ASMTL: variants seen among roughly 807,000 people sequenced by gnomAD.
The protein encoded by ASMTL is probable bifunctional dTTP/UTP pyrophosphatase/methyltransferase protein.
Under a neutral mutation model 60.3 loss-of-function variants are expected in ASMTL, and 57 were observed. The ratio of observed to expected loss-of-function variants is 0.95; its 90% CI spans 0.76 to 1.18. The LOEUF (loss-of-function observed/expected upper bound fraction) is 1.18, where lower values mean the gene tolerates loss of function less well. Ranked by LOEUF, ASMTL falls within the 50% of genes most tolerant of loss-of-function variation. ASMTL has a pLI of 0.00. For synonymous variants in ASMTL, 419 were observed against 373.0 expected (o/e 1.12, Z -1.42); for missense variants, 981 against 852.6 (o/e 1.15, Z -1.88).
At chrX:1,435,922 A>G (rs1373134581) in intron 3 of ASMTL, 164 bp from the exon 4 acceptor site, 1 of 159,412 alleles carries the variant, frequency 6.3e-6, no homozygotes, top group African/African-American at 2.4e-5. Flanking sequence ...ATGTTGTACC[A>G]CCACTACCTG....
At chrX:1,434,576 G>A (rs1207289213) in intron 5 of ASMTL, among the ~76,000 whole-genome samples, 1 of 151,386 alleles carries the variant, frequency 6.6e-6, no homozygotes, top group African/African-American at 2.4e-5. Flanking sequence ...GGCTGAGGCG[G>A]GTGGATCACC....
rs373310215 is a variant in ASMTL, at chrX:1,435,677, G to A, written c.338+17C>T. 76 of 1,613,238 alleles carry A rather than the reference G, an allele frequency of 4.7e-5. No homozygotes were observed. In the African/African-American group the frequency reaches 8.7e-4, roughly 18 times the overall value. ...GCTCAGAACCCGAGAGGGCTCAGAG[G>A]CCAACATGGTGCTTACCGGGACAGC... On this transcript the variant is annotated intron_variant, in intron 4 of 12. Transcript: ENST00000381317.
At chrX:1,423,455 C>G (rs1291053272) in intron 8 of ASMTL, among the ~76,000 whole-genome samples, 1 of 152,054 alleles carries the variant, frequency 6.6e-6, no homozygotes, top group Non-Finnish European at 1.5e-5. Context: ...CCTTCCCAGG[C>G]TACTCAAGGA....
chrX:1,440,049 C>T (rs769330633), intron 2 of ASMTL, among the ~76,000 whole-genome samples: 2 of 151,528 alleles, frequency 1.3e-5, no homozygotes, highest in East Asian at 1.9e-4. Context: ...CTTGATAGCA[C>T]GACTCACAAC....
intron 1 of ASMTL, among the ~76,000 whole-genome samples, chrX:1,451,272 A>T (rs1316759018): frequency 1.3e-3 from 68 of 51,430 alleles, no homozygotes; most frequent in South Asian, 3.8e-3. Flanking sequence ...TACTCTCCCC[A>T]CCCCCATCCC....
At chrX:1,405,286 A>C (rs867112849) in intron 12 of ASMTL, among the ~76,000 whole-genome samples, 5 of 138,036 alleles carry the variant, frequency 3.6e-5, no homozygotes, top group African/African-American at 1.3e-4. Context: ...GTGGATGGAT[A>C]GATGGATGTG....
intron 6 of ASMTL, among the ~76,000 whole-genome samples, chrX:1,428,708 C>G (rs1370429763): frequency 7.7e-6 from 1 of 129,764 alleles, no homozygotes; most frequent in African/African-American, 2.8e-5. Context: ...CATATGTATA[C>G]ATGCGTCATC....
chrX:1,423,081 T>C (rs185337230), intron 8 of ASMTL, among the ~76,000 whole-genome samples: 3,043 of 152,074 alleles, frequency 0.02, 100 homozygotes, highest in African/African-American at 0.07. Context: ...GCCTCCCGAG[T>C]AGCTGGGACT....
chrX:1,411,806 C>CTTTTTTTTTTTTTTTTTTTTTTTTT (rs756437483), intron 12 of ASMTL, among the ~76,000 whole-genome samples: 2 of 86,144 alleles, frequency 2.3e-5, no homozygotes, highest in African/African-American at 4.9e-5. Context: ...TTAGGATTTT[C>CTTTTTTTTTTTTTTTTTTTTTTTTT]TTTTTTTTTT....
intron 12 of ASMTL, among the ~76,000 whole-genome samples, chrX:1,405,383 G>GACAA (rs2089781531): frequency 6.6e-6 from 1 of 150,886 alleles, no homozygotes; most frequent in Non-Finnish European, 1.5e-5. Context: ...TGGGTGAATA[G>GACAA]GTAGGTAGGT....
At chrX:1,408,213 G>C (rs866996641) in intron 12 of ASMTL, among the ~76,000 whole-genome samples, 3 of 60,950 alleles carry the variant, frequency 4.9e-5, no homozygotes, top group Admixed American at 2.2e-4. Context: ...GGCTGAGGCA[G>C]GAGGATCGCT....
intron 5 of ASMTL, among the ~76,000 whole-genome samples, chrX:1,433,012 CG>C (rs1256478652): frequency 1.3e-5 from 2 of 152,054 alleles, no homozygotes; most frequent in African/African-American, 2.4e-5. Context: ...GCAGGAGAAT[CG>C]CTTGAACCCG....
intron 8 of ASMTL, among the ~76,000 whole-genome samples, chrX:1,424,678 A>G (rs1408375557): frequency 4.7e-4 from 69 of 147,872 alleles, no homozygotes; most frequent in Non-Finnish European, 8.9e-4. Flanking sequence ...CCATCCATCC[A>G]TCTACCCACC....
At chrX:1,411,578 G>T (rs1320786037) in intron 12 of ASMTL, among the ~76,000 whole-genome samples, 2 of 117,842 alleles carry the variant, frequency 1.7e-5, no homozygotes, top group African/African-American at 6.8e-5. Flanking sequence ...TGCGTGCTGT[G>T]TGTGTGTGCA....
chrX:1,421,609 A>C (rs1375109794), intron 9 of ASMTL, 49 bp downstream of exon 9: 17 of 1,603,342 alleles, frequency 1.1e-5, no homozygotes, highest in Non-Finnish European at 1.3e-5. Context: ...AAAGTGTTTT[A>C]GCAAAATGCA....
In ASMTL at chrX:1,427,967, G is replaced by A. The variant is rs372242779; in HGVS notation, c.664C>T (p.Arg222Trp). ...YYPPRPEDLR[R>W]SVKHDSIPAA... ...GGGATGGAGTCGTGCTTGACACTCCGCCGCAGGTCCTCCGGACGGGGCGGG... is the reference window on the plus strand; with the variant it reads ...GGGATGGAGTCGTGCTTGACACTCCACCGCAGGTCCTCCGGACGGGGCGGG... The change falls in exon 7 of 13, where the codon CGG becomes TGG. Residue 222 changes from arginine to tryptophan, a missense_variant. Coordinates refer to ENST00000381317, the MANE Select transcript of ASMTL (RefSeq NM_004192.4). 17 of 1,613,384 alleles carry A rather than the reference G, an allele frequency of 1.1e-5. No individual in the cohort carries two copies. The highest frequency in any genetic ancestry group is 3.3e-5 in the Admixed American group (2 of 60,000).
At chrX:1,436,913 C>T (rs1388886775) in intron 3 of ASMTL, among the ~76,000 whole-genome samples, 2 of 152,240 alleles carry the variant, frequency 1.3e-5, no homozygotes, top group Admixed American at 1.3e-4. Flanking sequence ...AAACTACAGA[C>T]ATTGATTCTC....
intron 11 of ASMTL, 131 bp downstream of exon 11, chrX:1,417,842 A>G (rs1370993961): frequency 5.8e-6 from 7 of 1,204,896 alleles, no homozygotes; most frequent in Non-Finnish European, 8.0e-6. Context: ...AGACAGTCCC[A>G]TTTGCACACA....
intron 1 of ASMTL, among the ~76,000 whole-genome samples, chrX:1,447,929 T>C (rs1455822838): frequency 1.4e-4 from 20 of 144,408 alleles, no homozygotes; most frequent in African/African-American, 4.4e-4. Flanking sequence ...CACACCGCCA[T>C]CTTGGATACA....
Sources: gnomAD v4.1 joint callset for allele counts (sites outside exome capture counted in the v4.1 genomes callset) on GRCh38, gnomAD v4.1.1 for gene constraint, MANE v1.5 for transcripts, NCBI Gene and HGNC (gene_info 2026-07-23, HGNC 2026-07-21) for gene names.